Variants in DIP2C observed in about 807,000 individuals in gnomAD.
DIP2C encodes the protein disco-interacting protein 2 homolog C.
Under a neutral mutation model 192.4 loss-of-function variants are expected in DIP2C, and 33 were observed. The observed-to-expected ratio is 0.17, with a 90% CI of 0.13 to 0.23. The LOEUF is 0.23. DIP2C is among the 10% of genes least tolerant of loss of function. DIP2C has a pLI of 1.00. For synonymous variants in DIP2C, 979 were observed against 864.1 expected, an observed-to-expected ratio of 1.13 and a Z score of -2.33; for missense variants, 1,537 against 2,110.1, an observed-to-expected ratio of 0.73 and a Z score of 5.32.
chr10:580,842 G>A (rs7095189), intron 1 of DIP2C, among the ~76,000 whole-genome samples: 119,959 of 152,206 alleles, frequency 0.79, 49,459 homozygotes, highest in South Asian at 0.9. Flanking sequence ...ACCACTTTCT[G>A]TCAGAGCTCT....
chr10:428,601 C>A (rs145301326), intron 4 of DIP2C, among the ~76,000 whole-genome samples: 51 of 152,196 alleles, frequency 3.4e-4, no homozygotes, highest in Middle Eastern at 3.4e-3. Context: ...CTTTGACTAT[C>A]ATGAACCTGG....
chr10:603,332 A>C (rs929639691), intron 1 of DIP2C, among the ~76,000 whole-genome samples: 9 of 125,046 alleles, frequency 7.2e-5, no homozygotes, highest in Admixed American at 5.7e-4. Flanking sequence ...AAAAAAAAAA[A>C]ACCAACCATG....
chr10:604,164 C>T (rs774884351), intron 1 of DIP2C, among the ~76,000 whole-genome samples: 1 of 151,978 alleles, frequency 6.6e-6, no homozygotes, highest in Non-Finnish European at 1.5e-5. Flanking sequence ...AGGGTCCTCC[C>T]CCATCTCACT....
chr10:548,460 G>C lies in DIP2C; in HGVS notation c.86-61930C>G, dbSNP rs575782265. Reference sequence around the variant, plus strand: ...ACCGGGATGGAGGGAGGGAGGGAGGGAGGGAGGCAGGCAGGCAGGCAGTGA... The same window carrying C: ...ACCGGGATGGAGGGAGGGAGGGAGGCAGGGAGGCAGGCAGGCAGGCAGTGA... On this transcript the variant is annotated intron_variant, in intron 1 of 36. Coordinates refer to ENST00000280886, the MANE Select transcript of DIP2C (RefSeq NM_014974.3). Among the ~76,000 whole-genome samples, 4 of 140,098 alleles carry C rather than the reference G, an allele frequency of 2.9e-5. No individual in the cohort carries two copies. The East Asian group carries it at 1.0e-3, about 36-fold the overall frequency. The allele number at this position is 140,098 out of a possible 152,430, so 91.9% of individuals were successfully genotyped here.
chr10:276,489 G>A lies in DIP2C; in HGVS notation c.*836C>T, dbSNP rs1213491087. 2.6e-5 allele frequency: 4 copies of A among 152,520 alleles called. No homozygotes were observed. In the East Asian group the frequency reaches 5.8e-4, roughly 22 times the overall value. 9.4% of individuals were successfully genotyped at this position (152,520 alleles called of 1,614,324 possible). A position where few individuals can be genotyped will look rare whatever the true frequency, so the allele number is the denominator to read the frequency against. On this transcript the variant is annotated 3_prime_UTR_variant, in exon 37 of 37. Coordinates refer to ENST00000280886, the MANE Select transcript of DIP2C (RefSeq NM_014974.3). Reference sequence around the variant, plus strand: ...ATATATTTGTTGTGATACTATCCACGCAAGATAATACAACACTTTTTTATA... The same window carrying A: ...ATATATTTGTTGTGATACTATCCACACAAGATAATACAACACTTTTTTATA...
chr10:291,976 C>T (rs531502098), intron 32 of DIP2C, among the ~76,000 whole-genome samples: 14 of 152,252 alleles, frequency 9.2e-5, no homozygotes, highest in Middle Eastern at 3.4e-3. Flanking sequence ...CCCTCTCCTG[C>T]GGGAAGTGTG....
At chr10:278,546 G>A (rs1954646120) in intron 36 of DIP2C, among the ~76,000 whole-genome samples, 1 of 152,240 alleles carries the variant, frequency 6.6e-6, no homozygotes, top group South Asian at 2.1e-4. Context: ...TGCCCCAGCT[G>A]AGCCAGCCCC....
intron 4 of DIP2C, among the ~76,000 whole-genome samples, chr10:440,553 A>G (rs1264000952): frequency 1.3e-5 from 2 of 152,226 alleles, no homozygotes; most frequent in Non-Finnish European, 2.9e-5. Flanking sequence ...GAAAAGTCCA[A>G]TTCCACCCAG....
chr10:536,427 G>C (rs908199301), intron 1 of DIP2C, among the ~76,000 whole-genome samples: 3 of 152,084 alleles, frequency 2.0e-5, no homozygotes, highest in African/African-American at 7.2e-5. Flanking sequence ...TTCCCCATAG[G>C]GACGTCACAG....
intron 3 of DIP2C, among the ~76,000 whole-genome samples, chr10:443,322 T>G (rs1410492140): frequency 6.6e-6 from 1 of 152,222 alleles, no homozygotes; most frequent in East Asian, 1.9e-4. Flanking sequence ...CATCACTCAT[T>G]TACTTCTGTC....
At chr10:537,224 C>T (rs1036893063) in intron 1 of DIP2C, among the ~76,000 whole-genome samples, 8 of 152,002 alleles carry the variant, frequency 5.3e-5, no homozygotes, top group Non-Finnish European at 1.2e-4. Flanking sequence ...CACACAGAGG[C>T]AAGGCCGTAT....
intron 2 of DIP2C, among the ~76,000 whole-genome samples, chr10:479,305 TA>T (rs1843407172): frequency 6.8e-6 from 1 of 146,220 alleles, no homozygotes; most frequent in African/African-American, 2.5e-5. Context: ...GCACCTGCCC[TA>T]ACCCCATGAA....
chr10:545,180 T>C (rs1285890085), intron 1 of DIP2C, among the ~76,000 whole-genome samples: 1 of 144,770 alleles, frequency 6.9e-6, no homozygotes, highest in African/African-American at 2.6e-5. Context: ...TTTTTTTTTT[T>C]TTTTTTTTTG....
intron 1 of DIP2C, among the ~76,000 whole-genome samples, chr10:670,330 A>G (rs751430847): frequency 1.3e-5 from 2 of 152,148 alleles, no homozygotes; most frequent in Non-Finnish European, 1.5e-5. Flanking sequence ...ACACATGCAC[A>G]TGCGCACGCG....
intron 1 of DIP2C, among the ~76,000 whole-genome samples, chr10:574,761 C>G (rs908018412): frequency 1.3e-5 from 2 of 152,218 alleles, no homozygotes; most frequent in Non-Finnish European, 2.9e-5. Flanking sequence ...ACACTCAATG[C>G]TGCCACTATC....
intron 3 of DIP2C, among the ~76,000 whole-genome samples, chr10:451,021 G>C (rs1968802191): frequency 6.6e-6 from 1 of 152,150 alleles, no homozygotes; most frequent in South Asian, 2.1e-4. Flanking sequence ...CAGCCTGTGA[G>C]TTCCTCAGGG....
At chr10:552,018 C>T (rs1055069103) in intron 1 of DIP2C, among the ~76,000 whole-genome samples, 1 of 152,210 alleles carries the variant, frequency 6.6e-6, no homozygotes, top group African/African-American at 2.4e-5. Context: ...TCTCAAGTCT[C>T]TTCTGAGAGT....
At chr10:310,992 G>T (rs892361732) in intron 31 of DIP2C, among the ~76,000 whole-genome samples, 2 of 151,560 alleles carry the variant, frequency 1.3e-5, no homozygotes, top group African/African-American at 4.9e-5. Flanking sequence ...TTGTACTAAA[G>T]GCACAAAATT....
At chr10:376,752 G>A (rs762370123) in intron 17 of DIP2C, among the ~76,000 whole-genome samples, 3 of 152,106 alleles carry the variant, frequency 2.0e-5, no homozygotes, top group Non-Finnish European at 2.9e-5. Flanking sequence ...GCAGCAGAAT[G>A]AACTAATAAA....
Sources: gnomAD v4.1 joint callset for allele counts (sites outside exome capture counted in the v4.1 genomes callset) on GRCh38, gnomAD v4.1.1 for gene constraint, MANE v1.5 for transcripts, NCBI Gene and HGNC (gene_info 2026-07-23, HGNC 2026-07-21) for gene names.